Variants in ASPM observed in about 807,000 individuals in gnomAD.
ASPM encodes the protein assembly factor for spindle microtubules.
Under a neutral mutation model 366.4 loss-of-function variants are expected in ASPM, and 256 were observed. That is an observed-to-expected ratio of 0.70 (90% CI 0.63 to 0.77). The LOEUF (loss-of-function observed/expected upper bound fraction) is 0.77, where lower values mean the gene tolerates loss of function less well. ASPM is among the 30% of genes least tolerant of loss of function. ASPM has a pLI of 0.00. For synonymous variants in ASPM, 1,414 were observed against 1,342.9 expected, an observed-to-expected ratio of 1.05 and a Z score of -1.16; for missense variants, 4,146 against 4,090.4, an observed-to-expected ratio of 1.01 and a Z score of -0.37.
intron 17 of ASPM, among the ~76,000 whole-genome samples, chr1:197,107,225 G>T (rs1657440009): frequency 6.6e-6 from 1 of 152,050 alleles, no homozygotes; most frequent in African/African-American, 2.4e-5. Flanking sequence ...TGTGAATCTA[G>T]ACCACAGTAG....
At chr1:197,095,132 T>C (rs1325130008) in intron 19 of ASPM, among the ~76,000 whole-genome samples, 1 of 151,774 alleles carries the variant, frequency 6.6e-6, no homozygotes, top group African/African-American at 2.4e-5. Flanking sequence ...TTTTGAAATA[T>C]ACAATAAATT....
intron 4 of ASPM, among the ~76,000 whole-genome samples, chr1:197,138,234 A>T (rs1658477701): frequency 6.6e-6 from 1 of 152,144 alleles, no homozygotes; most frequent in Admixed American, 6.5e-5. Flanking sequence ...TCTTCGTGTT[A>T]GTCTACATCC....
chr1:197,086,333 G>A lies in ASPM; in HGVS notation c.10331+470C>T, dbSNP rs530732014. ...AAAAACACTAATTAAATGCCATGAC[G>A]GTTCACCAAAATAAATTAAATCTTT... On this transcript the variant is annotated intron_variant, in intron 27 of 27. Coordinates refer to ENST00000367409, the MANE Select transcript of ASPM (RefSeq NM_018136.5). Among the ~76,000 whole-genome samples the A allele has an allele frequency of 3.4e-4, 52 of 151,870 alleles. No homozygotes were observed. The East Asian group carries it at 7.7e-3, about 23-fold the overall frequency.
intron 16 of ASPM, among the ~76,000 whole-genome samples, chr1:197,119,013 A>G (rs1657824121): frequency 6.6e-6 from 1 of 152,172 alleles, no homozygotes; most frequent in African/African-American, 2.4e-5. Flanking sequence ...CTATAATTCC[A>G]ATTATTAATT....
chr1:197,140,723 A>G lies in ASPM; in HGVS notation c.1922-852T>C, dbSNP rs115216923. Among the ~76,000 whole-genome samples, 1,128 of 152,316 alleles carry G rather than the reference A, an allele frequency of 7.4e-3. 13 individuals are homozygous for G. The highest frequency in any genetic ancestry group is 0.026 in the African/African-American group (1,072 of 41,582). ...ATTTATATTTAAGAAAACAGTATGG[A>G]CAATGGAATGAACAGGGTCAAGATT... On this transcript the variant is annotated intron_variant, in intron 3 of 27. Coordinates refer to ENST00000367409, the MANE Select transcript of ASPM (RefSeq NM_018136.5).
intron 4 of ASPM, among the ~76,000 whole-genome samples, chr1:197,138,406 G>A (rs1658483555): frequency 6.6e-6 from 1 of 152,030 alleles, no homozygotes; most frequent in African/African-American, 2.4e-5. Flanking sequence ...GGGCCCAAGT[G>A]ACTCTCCCAG....
chr1:197,092,461 G>A (rs1428896136), intron 21 of ASPM, among the ~76,000 whole-genome samples: 1 of 151,902 alleles, frequency 6.6e-6, no homozygotes, highest in Non-Finnish European at 1.5e-5. Flanking sequence ...ATAGTACAGT[G>A]CAACTCCAGC....
Position 197,100,479 on chromosome 1 carries a change from T to G in ASPM, c.8772A>C (p.Ile2924=). The G allele has an allele frequency of 6.2e-7, 1 of 1,600,324 alleles. No homozygotes were observed. The highest frequency in any genetic ancestry group is 8.5e-7 in the Non-Finnish European group (1 of 1,172,734). ...IIIQARSKGF[I]QKRKFQEIKN... is the part of the protein sequence containing the mutation. ...TAATTTCCTGAAACTTCCGTTTCTG[T>G]ATAAATCCTTTACTTCTAGCTTGAA... is the stretch of plus-strand genomic sequence containing the variant. The change falls in exon 18 of 28, where the codon ATA becomes ATC. Residue 2924 remains isoleucine, a synonymous_variant. Transcript: ENST00000367409.
rs144354310 is a variant in ASPM, at chr1:197,135,836, C to A, written c.2027-594G>T. On this transcript the variant is annotated intron_variant, in intron 4 of 27. Transcript: ENST00000367409. The stretch of plus-strand genomic sequence containing the variant: ...GGCATGGTGGCACATGCCTGTAGCC[C>A]CAGCTACCTGGGAGGCCGAGACGGG... Among the ~76,000 whole-genome samples the A allele has an allele frequency of 7.4e-3, 1,124 of 151,900 alleles. 13 individuals are homozygous for A. Among genetic ancestry groups the A allele is most frequent in the African/African-American group, 0.026 (1,068 of 41,440 alleles).
Position 197,143,083 on chromosome 1 carries a change from A to G in ASPM, c.1169T>C (p.Ile390Thr), listed in dbSNP as rs1658649847. The change falls in exon 3 of 28, where the codon ATT becomes ACT. Residue 390 changes from isoleucine (I) to threonine (T), a missense_variant. Physicochemically the swap from Ile to Thr is moderately conservative, Grantham distance 89. Around this residue, in one of 3 missense-constraint regions of ASPM, gnomAD observed 512 missense variants for 471.7 expected, o/e 1.09. Transcript: ENST00000367409. ...TTTTAAAAATTGATTAGGGGATAAA[A>G]TAGGATTAACTGACTCTGATTCTAG... ...QDLESESVNP[I>T]LSPNQFLKDN... The G allele has an allele frequency of 6.2e-7, 1 of 1,613,150 alleles. No homozygotes were observed. Among genetic ancestry groups the G allele is most frequent in the African/African-American group, 1.3e-5 (1 of 75,018 alleles).
In ASPM at chr1:197,104,960, A is replaced by G. The variant is rs781467918; in HGVS notation, c.4291T>C (p.Phe1431Leu). 3 of 1,612,062 alleles carry G rather than the reference A, an allele frequency of 1.9e-6. No individual in the cohort carries two copies. In the Admixed American group the frequency reaches 5.0e-5, roughly 27 times the overall value. Residue 1431 changes from phenylalanine (F) to leucine (L), a missense_variant, in exon 18 of 28, where the codon TTC (phenylalanine) becomes CTC (leucine). Phe to Leu is a conservative substitution (Grantham distance 22). Around this residue, in one of 3 missense-constraint regions of ASPM, gnomAD observed 3,624 missense variants for 3,591.7 expected, o/e 1.01. Transcript: ENST00000367409. ...KSSTLIIQSM[F>L]RKWKQRKMQS... ...ATTTTACGTTGCTTCCATTTTCTGA[A>G]CATAGATTGGATTATAAGAGTTGAT...
rs898473027 is a variant in ASPM, at chr1:197,134,559, T to C, written c.2173+537A>G. On this transcript the variant is annotated intron_variant, in intron 5 of 27. Coordinates refer to ENST00000367409, the MANE Select transcript of ASPM (RefSeq NM_018136.5). ...CAATTTAAACATTCATAAGAATTTT[T>C]CCTTATCTTCAGCTGAAATTGATCC... Among the ~76,000 whole-genome samples the C allele has an allele frequency of 2.6e-5, 4 of 152,264 alleles. No homozygotes were observed. In the South Asian group the frequency reaches 8.3e-4, roughly 31 times the overall value.
At chr1:197,133,697 T>C (rs1658334819) in intron 5 of ASPM, 102 bp from the exon 6 acceptor site, 2 of 1,383,264 alleles carry the variant, frequency 1.4e-6, no homozygotes, top group Admixed American at 1.9e-5. Context: ...AAACATAATC[T>C]ATTCCTCACC....
chr1:197,120,097 C>G (rs956901519), intron 16 of ASPM, among the ~76,000 whole-genome samples: 1 of 151,606 alleles, frequency 6.6e-6, no homozygotes, highest in Non-Finnish European at 1.5e-5. Context: ...GAAGTTTAAC[C>G]ATAAGTATAG....
intron 19 of ASPM, among the ~76,000 whole-genome samples, chr1:197,095,735 T>C (rs1038015918): frequency 1.3e-5 from 2 of 148,484 alleles, no homozygotes; most frequent in African/African-American, 4.9e-5. Context: ...GTCCTTACTC[T>C]AATCCTTATG....
intron 18 of ASPM, among the ~76,000 whole-genome samples, chr1:197,097,350 C>T (rs977355055): frequency 5.3e-5 from 8 of 151,718 alleles, no homozygotes; most frequent in East Asian, 1.9e-4. Context: ...CCATGCCCCA[C>T]GAAATGCTTA....
In ASPM at chr1:197,102,167, C is replaced by T. The variant is rs750361339; in HGVS notation, c.7084G>A (p.Val2362Ile). 24 of 1,612,646 alleles carry T rather than the reference C, an allele frequency of 1.5e-5. No individual in the cohort carries two copies. The highest frequency in any genetic ancestry group is 1.9e-5 in the Non-Finnish European group (22 of 1,179,274). The change falls in exon 18 of 28, where the codon GTT becomes ATT. Residue 2362 changes from valine (V) to isoleucine (I), a missense_variant. Val to Ile is a conservative substitution (Grantham distance 29, BLOSUM62 3). Transcript: ENST00000367409. ...GCTTGGTATTGCTGTTGGATCACAA[C>T]GGAGGCCTGTTTCAAAGCCTGATAT... ...MRYQALKQAS[V>I]VIQQQYQANR...
In ASPM at chr1:197,131,365, T is replaced by C. The variant is rs139443466; in HGVS notation, c.2487+920A>G. On this transcript the variant is annotated intron_variant, in intron 7 of 27. Coordinates refer to ENST00000367409, the MANE Select transcript of ASPM (RefSeq NM_018136.5). Reference sequence around the variant, plus strand: ...AGAATACAGACGCACAAAAGATACTTTTAATAAAAATGTCTTTAAACAGCC... The same window carrying C: ...AGAATACAGACGCACAAAAGATACTCTTAATAAAAATGTCTTTAAACAGCC... Among the ~76,000 whole-genome samples, 1,369 of 152,244 alleles carry C rather than the reference T, an allele frequency of 9.0e-3. 18 individuals carry two copies. Among genetic ancestry groups the C allele is most frequent in the African/African-American group, 0.029 (1,214 of 41,540 alleles).
rs372816625 is a variant in ASPM, at chr1:197,128,476, T to C, written c.2936+14A>G. The C allele has an allele frequency of 5.0e-6, 8 of 1,604,430 alleles. No individual in the cohort carries two copies. Among genetic ancestry groups the C allele is most frequent in the African/African-American group, 2.7e-5 (2 of 74,796 alleles). Reference sequence around the variant, plus strand: ...TATTCCATTAAGCAAAATAATTCTATTTCTTATACGTACACAAGGCGCACT... The same window carrying C: ...TATTCCATTAAGCAAAATAATTCTACTTCTTATACGTACACAAGGCGCACT... On this transcript the variant is annotated intron_variant, in intron 10 of 27. Transcript: ENST00000367409.
Sources: gnomAD v4.1 joint callset for allele counts (sites outside exome capture counted in the v4.1 genomes callset) on GRCh38, gnomAD v4.1.1 for gene constraint, gnomAD v4.1.1 regional missense constraint, MANE v1.5 for transcripts, NCBI Gene and HGNC (gene_info 2026-07-23, HGNC 2026-07-21) for gene names.